RGPD3: variants seen among roughly 807,000 people sequenced by gnomAD.
RGPD3 encodes RANBP2 like and GRIP domain containing 3.
A neutral mutation model predicts 154.5 loss-of-function variants in RGPD3; 62 were observed. The ratio of observed to expected loss-of-function variants is 0.40; its 90% CI spans 0.33 to 0.50. RGPD3 has a LOEUF of 0.50. RGPD3 is among the 20% of genes least tolerant of loss of function. The probability of loss-of-function intolerance (pLI) is 0.59; values close to 1 mark genes in which losing one functional copy is unlikely to be tolerated. For missense variants in RGPD3, 919 were observed against 1,716.8 expected (o/e 0.54, Z 8.21); for synonymous variants, 308 against 607.0 (o/e 0.51, Z 7.24).
intron 6 of RGPD3, among the ~76,000 whole-genome samples, chr2:106,450,427 A>G (rs1678076890): frequency 6.7e-6 from 1 of 150,102 alleles, no homozygotes; most frequent in South Asian, 2.1e-4. Context: ...CCAGCTTTTT[A>G]TCTTCCTCAG....
In RGPD3 at chr2:106,412,306, T is replaced by G. The variant is rs1279550137; in HGVS notation, c.5266+778A>C. The stretch of plus-strand genomic sequence containing the variant: ...AACTACATCATAGTTTTTTTTTTTT[T>G]TTTTTTTTTTTTTTTTTTTTTTTTT... On this transcript the variant is annotated intron_variant, in intron 22 of 22. Coordinates refer to ENST00000409886, the MANE Select transcript of RGPD3 (RefSeq NM_001144013.2). Among the ~76,000 whole-genome samples, 17 of 80,176 alleles carry G rather than the reference T, an allele frequency of 2.1e-4. No homozygotes were observed. In the South Asian group the frequency reaches 3.0e-3, roughly 14 times the overall value. 52.6% of individuals were successfully genotyped at this position (80,176 alleles called of 152,430 possible). A position where few individuals can be genotyped will look rare whatever the true frequency, so the allele number is the denominator to read the frequency against.
Position 106,434,315 on chromosome 2 carries a change from T to C in RGPD3, c.2118A>G (p.Glu706=), listed in dbSNP as rs762790066. 7.5e-6 allele frequency: 12 copies of C among 1,609,836 alleles called. 1 individual carries two copies. In the South Asian group the frequency reaches 1.3e-4, roughly 18 times the overall value. Residue 706 remains glutamate, a synonymous_variant, in exon 15 of 23, where the codon GAA becomes GAG. Coordinates refer to ENST00000409886, the MANE Select transcript of RGPD3 (RefSeq NM_001144013.2). ...TCTTTCTCAGATAATTTTTGCATTC[T>C]TCTTGTTCTTCAGGAGAAAGGGCAT... is the stretch of plus-strand genomic sequence containing the variant. ...ANDALSPEEQ[E]ECKNYLRKTR...
rs559284714 is a variant in RGPD3, at chr2:106,468,259, C to G, written c.30G>C (p.Arg10=). The G allele has an allele frequency of 6.2e-6, 10 of 1,607,854 alleles. No homozygotes were observed. The South Asian group carries it at 8.9e-5, about 14-fold the overall frequency. Residue 10 remains arginine, a synonymous_variant, in exon 1 of 23, where the codon CGG becomes CGC. Transcript: ENST00000409886. The part of the protein sequence containing the change: MSCSKAYGE[R]YVASVQGSAP... ...CGGAGCCCTGCACCGAGGCGACGTA[C>G]CGCTCCCCGTAGGCCTTGCTGCAAC...
chr2:106,410,660 A>C (rs993773527), intron 22 of RGPD3, among the ~76,000 whole-genome samples: 32 of 152,204 alleles, frequency 2.1e-4, no homozygotes, highest in African/African-American at 7.0e-4. Flanking sequence ...TAACTATAAA[A>C]TTAGTTATAA....
At chr2:106,409,970 G>A (rs1676622585) in intron 22 of RGPD3, among the ~76,000 whole-genome samples, 1 of 149,912 alleles carries the variant, frequency 6.7e-6, no homozygotes, top group Admixed American at 6.7e-5. Context: ...CTGCCTCCTG[G>A]GTTCAAGCAG....
intron 18 of RGPD3, among the ~76,000 whole-genome samples, chr2:106,426,982 C>T (rs1461087633): frequency 2.6e-5 from 4 of 151,376 alleles, no homozygotes; most frequent in South Asian, 2.1e-4. Context: ...GAACACAGAA[C>T]AACCTGACAG....
rs1307903784 is a variant in RGPD3 at position 106,424,528 on chromosome 2, A to G, written c.3439T>C (p.Leu1147=). 2.5e-6 allele frequency: 4 copies of G among 1,606,678 alleles called. No individual in the cohort carries two copies. The Middle Eastern group carries it at 6.8e-4, about 272-fold the overall frequency. ...TCTGGTGTTTTAAATTTTGCTGCCA[A>G]TCGCTCTAGTTTGGCATCACCATCA... ...FSDGDAKLER[L]AAKFKTPELA... Residue 1147 remains leucine (L), a synonymous_variant, in exon 20 of 23, where the codon TTG becomes CTG. Transcript: ENST00000409886.
rs560884737 is a variant in RGPD3 at position 106,423,997 on chromosome 2, C to A, written c.3970G>T (p.Val1324Phe). 7.8e-5 allele frequency: 125 copies of A among 1,611,790 alleles called. No homozygotes were observed. The highest frequency in any genetic ancestry group is 1.0e-4 in the Non-Finnish European group (119 of 1,179,830). ...CCATCTCTCTCTTCTTCTTGAGTAACATCAGATTCTTCATCAGTGCCAACT... is the reference window on the plus strand; with the variant it reads ...CCATCTCTCTCTTCTTCTTGAGTAAAATCAGATTCTTCATCAGTGCCAACT... Reference protein sequence around the residue: ...TSVGTDEESDVTQEEERDGQY... With the variant: ...TSVGTDEESDFTQEEERDGQY... The change falls in exon 20 of 23, where the codon GTT (valine) becomes TTT (phenylalanine). Residue 1324 changes from valine to phenylalanine, a missense_variant. Coordinates refer to ENST00000409886, the MANE Select transcript of RGPD3 (RefSeq NM_001144013.2).
rs1319968397 is a variant in RGPD3 at position 106,423,740 on chromosome 2, G to T, written c.4227C>A (p.His1409Gln). ...GCAAACTCATGTCTGGAGTTATTCT[G>T]TGATTGGCACAAAGTTTTAATACTT... ...RDQVLKLCAN[H>Q]RITPDMSLQN... The change falls in exon 20 of 23, where the codon CAC becomes CAA. Residue 1409 changes from histidine to glutamine, a missense_variant. His to Gln is a conservative substitution (Grantham distance 24). Coordinates refer to ENST00000409886, the MANE Select transcript of RGPD3 (RefSeq NM_001144013.2). 3 of 1,611,540 alleles carry T rather than the reference G, an allele frequency of 1.9e-6. No individual in the cohort carries two copies.
intron 6 of RGPD3, among the ~76,000 whole-genome samples, chr2:106,449,565 T>C (rs1347708877): frequency 3.3e-5 from 5 of 151,742 alleles, no homozygotes; most frequent in Non-Finnish European, 5.9e-5. Context: ...ATTTCTAATG[T>C]AATAAACACT....
At chr2:106,413,922 T>G (rs889752493) in intron 21 of RGPD3, among the ~76,000 whole-genome samples, 2 of 151,800 alleles carry the variant, frequency 1.3e-5, no homozygotes, top group Non-Finnish European at 1.5e-5. Flanking sequence ...CTTCTACTTT[T>G]GATAGAAACT....
At chr2:106,405,474 C>G (rs1269839969) in intron 22 of RGPD3, among the ~76,000 whole-genome samples, 2 of 149,216 alleles carry the variant, frequency 1.3e-5, no homozygotes, top group Admixed American at 6.7e-5. Flanking sequence ...CTCCCAGGCT[C>G]AAGTGATTCT....
At position 106,441,291 on chromosome 2, in the gene RGPD3, A is replaced by C; in HGVS notation, c.1066+2T>G. Reference sequence around the variant, plus strand: ...ATTAAATTAGTTTAATATTACTATTACCTGATTGGCTCAGTCGGTCACAGG... The same window carrying C: ...ATTAAATTAGTTTAATATTACTATTCCCTGATTGGCTCAGTCGGTCACAGG... On this transcript the variant is annotated splice_donor_variant, in intron 8 of 22. Transcript: ENST00000409886. LOFTEE classifies it high-confidence loss of function. 6.8e-7 allele frequency: 1 copy of C among 1,473,022 alleles called. No individual in the cohort carries two copies. The highest frequency in any genetic ancestry group is 1.3e-5 in the South Asian group (1 of 79,694). 91.2% of individuals were successfully genotyped at this position (1,473,022 alleles called of 1,614,324 possible). A position where few individuals can be genotyped will look rare whatever the true frequency, so the allele number is the denominator to read the frequency against.
intron 21 of RGPD3, among the ~76,000 whole-genome samples, chr2:106,414,438 A>G (rs1230479732): frequency 1.3e-5 from 2 of 151,966 alleles, no homozygotes; most frequent in Non-Finnish European, 2.9e-5. Context: ...CCTGGCCAAC[A>G]TGGTGAAACC....
intron 21 of RGPD3, among the ~76,000 whole-genome samples, chr2:106,414,604 A>C (rs1676767461): frequency 2.0e-5 from 3 of 149,666 alleles, no homozygotes; most frequent in African/African-American, 7.4e-5. Context: ...ACCTAGTGAC[A>C]GAGCGAGACT....
intron 21 of RGPD3, among the ~76,000 whole-genome samples, chr2:106,413,512 C>T (rs987977140): frequency 6.6e-5 from 10 of 152,174 alleles, no homozygotes; most frequent in African/African-American, 2.2e-4. Flanking sequence ...GGAACTCCAA[C>T]TATGAGATAG....
intron 22 of RGPD3, among the ~76,000 whole-genome samples, chr2:106,408,728 A>T (rs547176577): frequency 1.3e-5 from 2 of 152,126 alleles, no homozygotes; most frequent in Non-Finnish European, 2.9e-5. Context: ...GCTGAAATGC[A>T]GTGGCGTGAC....
At chr2:106,446,549 G>A (rs1204758529) in intron 7 of RGPD3, among the ~76,000 whole-genome samples, 1 of 78,556 alleles carries the variant, frequency 1.3e-5, no homozygotes, top group African/African-American at 5.0e-5. Flanking sequence ...CAGCCTGGGC[G>A]ACAGAGCGAG....
chr2:106,436,322 G>C lies in RGPD3; in HGVS notation c.1635-76C>G, dbSNP rs561169138. 8 of 1,610,538 alleles carry C rather than the reference G, an allele frequency of 5.0e-6. No homozygotes were observed. In the South Asian group the frequency reaches 6.6e-5, roughly 13 times the overall value. On this transcript the variant is annotated intron_variant, in intron 11 of 22. Transcript: ENST00000409886. ...CGCTTACATACATATATGTTAATGG[G>C]TCACATGACAAATTAAATCTTCACA...
Sources: allele counts gnomAD v4.1 joint callset (sites outside exome capture counted in the v4.1 genomes callset), GRCh38; gene constraint gnomAD v4.1.1; transcripts MANE v1.5; gene names NCBI Gene and HGNC (gene_info 2026-07-23, HGNC 2026-07-21).